TXNRD1: variants seen among roughly 807,000 people sequenced by gnomAD.
The protein encoded by TXNRD1 is thioredoxin reductase 1, also known as thioredoxin reductase 1, cytoplasmic.
A neutral mutation model predicts 80.3 loss-of-function variants in TXNRD1; 57 were observed. The observed-to-expected ratio is 0.71, with a 90% CI of 0.57 to 0.89. The LOEUF is 0.89. TXNRD1 is among the 40% of genes least tolerant of loss of function. The pLI, the probability that TXNRD1 is intolerant of heterozygous loss-of-function variation, is 0.00. For missense variants in TXNRD1, 730 were observed against 803.0 expected, an observed-to-expected ratio of 0.91 and a Z score of 1.10; for synonymous variants, 291 against 285.2, an observed-to-expected ratio of 1.02 and a Z score of -0.20.
chr12:104,304,381 C>T (rs1475883980), intron 4 of TXNRD1: 3 of 1,613,872 alleles, frequency 1.9e-6, no homozygotes, highest in Admixed American at 3.3e-5. Flanking sequence ...TAGCTCTTTC[C>T]TTCTGGAAGG....
intron 7 of TXNRD1, among the ~76,000 whole-genome samples, chr12:104,318,604 A>C (rs1264148443): frequency 1.3e-5 from 2 of 152,226 alleles, no homozygotes; most frequent in Admixed American, 1.3e-4. Flanking sequence ...ACAGAATCCT[A>C]AGCCTTAATA....
chr12:104,227,632 C>T (rs1031898469), intron 1 of TXNRD1, among the ~76,000 whole-genome samples: 5 of 152,096 alleles, frequency 3.3e-5, no homozygotes, highest in Admixed American at 6.6e-5. Context: ...AGTTCCGTTA[C>T]CCCACAAAAT....
At chr12:104,278,838 A>G (rs2033819377) in intron 3 of TXNRD1, among the ~76,000 whole-genome samples, 2 of 152,174 alleles carry the variant, frequency 1.3e-5, no homozygotes, top group African/African-American at 4.8e-5. Context: ...ACCTTTATAA[A>G]ACTGAGGACC....
chr12:104,261,292 T>C (rs2033364023), intron 3 of TXNRD1, among the ~76,000 whole-genome samples: 1 of 151,988 alleles, frequency 6.6e-6, no homozygotes, highest in Admixed American at 6.6e-5. Context: ...GCCCCCAGAG[T>C]AGCTGGGATC....
rs143389625 is a variant in TXNRD1, at chr12:104,237,643, G to T, written c.92-13884G>T. ...CAAATGAAAAATCTTAACAAGTGCTGAATATTCTGTCTGTGTTGTTATAGA... is the reference window on the plus strand; with the variant it reads ...CAAATGAAAAATCTTAACAAGTGCTTAATATTCTGTCTGTGTTGTTATAGA... On this transcript the variant is annotated intron_variant, in intron 1 of 16. Transcript: ENST00000525566. Among the ~76,000 whole-genome samples, 657 of 152,270 alleles carry T rather than the reference G, an allele frequency of 4.3e-3. 8 individuals are homozygous for T. The highest frequency in any genetic ancestry group is 0.015 in the African/African-American group (621 of 41,534).
chr12:104,291,197 T>TTA, intron 4 of TXNRD1: 2 of 37,386 alleles, frequency 5.3e-5, no homozygotes, highest in Non-Finnish European at 6.6e-5. Context: ...ACTTTGTGTC[T>TTA]TTTTTTTTTT....
intron 4 of TXNRD1, chr12:104,303,821 A>G (rs2034751614): frequency 2.8e-6 from 4 of 1,415,192 alleles, no homozygotes; most frequent in East Asian, 2.5e-5. Context: ...CGTGGCCGGC[A>G]TGTTGGTTGA....
At chr12:104,268,173 GTCTC>G (rs1486440858) in intron 3 of TXNRD1, among the ~76,000 whole-genome samples, 1 of 136,192 alleles carries the variant, frequency 7.3e-6, no homozygotes, top group African/African-American at 2.7e-5. Flanking sequence ...CTTTCTCTCT[GTCTC>G]TCTCTTTCTT....
chr12:104,299,262 G>C (rs2034535580), intron 4 of TXNRD1, among the ~76,000 whole-genome samples: 1 of 152,174 alleles, frequency 6.6e-6, no homozygotes, highest in African/African-American at 2.4e-5. Flanking sequence ...TGGAGGCTGA[G>C]AGGTTAAGCA....
Position 104,331,510 on chromosome 12 carries a change from C to T in TXNRD1, c.1543-24C>T, listed in dbSNP as rs747046066. On this transcript the variant is annotated intron_variant, in intron 13 of 16. Coordinates refer to ENST00000525566, the MANE Select transcript of TXNRD1 (RefSeq NM_001093771.3). ...TAAGTTATAACTTTGCCTATTATAA[C>T]TCCTTACCTCCATTTTTAAACAGTG... The T allele has an allele frequency of 2.0e-5, 30 of 1,508,222 alleles. No homozygotes were observed. In the South Asian group the frequency reaches 2.4e-4, roughly 12 times the overall value. The allele number at this position is 1,508,222 out of a possible 1,614,324, so 93.4% of individuals were successfully genotyped here. A position where few individuals can be genotyped will look rare whatever the true frequency, so the allele number is the denominator to read the frequency against.
At chr12:104,218,046 C>A (rs1008638095) in intron 1 of TXNRD1, among the ~76,000 whole-genome samples, 3 of 151,210 alleles carry the variant, frequency 2.0e-5, no homozygotes, top group Admixed American at 6.6e-5. Flanking sequence ...TTTTTTTTCC[C>A]GAGATGGAGT....
intron 2 of TXNRD1, among the ~76,000 whole-genome samples, chr12:104,256,908 C>G (rs972649073): frequency 2.7e-5 from 4 of 150,402 alleles, no homozygotes; most frequent in Non-Finnish European, 4.4e-5. Context: ...TCCGAGTGTA[C>G]TTCCATACAA....
In TXNRD1 at chr12:104,349,676, A is replaced by G. The variant is rs1473693957; in HGVS notation, c.*1255A>G. On this transcript the variant is annotated 3_prime_UTR_variant, in exon 17 of 17. Transcript: ENST00000525566. ...TGTCAATGTACTGGCTGAGGATTCT[A>G]TCTCAGCTGTCTTTTCTAACTGTGT... 1 of 152,464 alleles carries G rather than the reference A, an allele frequency of 6.6e-6. No individual in the cohort carries two copies. The highest frequency in any genetic ancestry group is 2.4e-5 in the African/African-American group (1 of 41,456). The allele number at this position is 152,464 out of a possible 1,614,324, so 9.4% of individuals were successfully genotyped here.
rs1401840467 is a variant in TXNRD1, at chr12:104,321,146, T to C, written c.1045T>C (p.Ser349Pro). 1 of 1,613,552 alleles carries C rather than the reference T, an allele frequency of 6.2e-7. No homozygotes were observed. Among genetic ancestry groups the C allele is most frequent in the Admixed American group, 1.7e-5 (1 of 59,952 alleles). Residue 349 changes from serine (S) to proline (P), a missense_variant, in exon 10 of 17, where the codon TCC becomes CCC. Physicochemically the swap from Ser to Pro is moderately conservative, Grantham distance 74. Transcript: ENST00000525566. ...GGGTAAGACCCTGGTTGTTGGAGCA[T>C]CCTATGTCGCTTTGGAGTGCGCTGG... ...CPGKTLVVGASYVALECAGFL... is the reference protein window; with the variant it reads ...CPGKTLVVGAPYVALECAGFL...
chr12:104,274,160 G>C (rs1378255343), intron 3 of TXNRD1, among the ~76,000 whole-genome samples: 7 of 152,186 alleles, frequency 4.6e-5, no homozygotes, highest in Non-Finnish European at 1.0e-4. Context: ...TTGGGGTGGA[G>C]AAATTGGTCT....
chr12:104,257,732 A>G (rs1307518574), intron 2 of TXNRD1, among the ~76,000 whole-genome samples: 1 of 152,056 alleles, frequency 6.6e-6, no homozygotes, highest in East Asian at 1.9e-4. Flanking sequence ...ATAGTATTAA[A>G]CCCATTTTAT....
At chr12:104,308,197 G>A (rs531080263) in intron 4 of TXNRD1, among the ~76,000 whole-genome samples, 2 of 151,960 alleles carry the variant, frequency 1.3e-5, no homozygotes, top group Non-Finnish European at 2.9e-5. Flanking sequence ...GGGTTTCACC[G>A]TGTTAGCCAG....
chr12:104,310,045 C>T (rs1363891062), intron 4 of TXNRD1: 14 of 1,535,996 alleles, frequency 9.1e-6, no homozygotes, highest in Admixed American at 3.9e-5. Context: ...CCAAGCTCTG[C>T]CTTTCACCCC....
intron 1 of TXNRD1, among the ~76,000 whole-genome samples, chr12:104,247,868 A>G (rs1197612577): frequency 6.6e-6 from 1 of 152,190 alleles, no homozygotes; most frequent in African/African-American, 2.4e-5. Context: ...GTAAGGCGTT[A>G]TGGAATCAGG....
Sources: gnomAD v4.1 joint callset for allele counts (sites outside exome capture counted in the v4.1 genomes callset) on GRCh38, gnomAD v4.1.1 for gene constraint, MANE v1.5 for transcripts, NCBI Gene and HGNC (gene_info 2026-07-23, HGNC 2026-07-21) for gene names.